The following ALG3 variants were observed in gnomAD, a reference collection of about 807,000 sequenced individuals.
ALG3 encodes the protein ALG3 alpha-1,3- mannosyltransferase.
ALG3 carries 39 observed loss-of-function variants against 50.5 expected under a neutral mutation model. The ratio of observed to expected loss-of-function variants is 0.77; its 90% confidence interval spans 0.60 to 1.01. The LOEUF is 1.01. Among genes scored for constraint, ALG3 ranks in the 50% least tolerant of loss-of-function variants. The probability of loss-of-function intolerance (pLI) is 0.00; values close to 1 mark genes in which losing one functional copy is unlikely to be tolerated. For missense variants in ALG3, 520 were observed against 554.8 expected, an observed-to-expected ratio of 0.94 and a Z score of 0.63; for synonymous variants, 252 against 237.2, an observed-to-expected ratio of 1.06 and a Z score of -0.58.
At chr3:184,248,138 G>C (rs1391302696) in intron 1 of ALG3, among the ~76,000 whole-genome samples, 1 of 151,984 alleles carries the variant, frequency 6.6e-6, no homozygotes, top group Non-Finnish European at 1.5e-5. Flanking sequence ...ACAGGCGTGA[G>C]CCACCGCGCC....
rs766613289 is a variant in ALG3 at position 184,245,558 on chromosome 3, G to A, written c.354C>T (p.Gly118=). The A allele has an allele frequency of 2.5e-6, 4 of 1,613,920 alleles. No homozygotes were observed. In the East Asian group the frequency reaches 6.7e-5, roughly 27 times the overall value. ...FMGLYYATSR[G]TDIRMAQNIF... ...TGTTCTGGGCCATGCGGATGTCAGT[G>A]CCTCGGCTGGTGGCATAGTACAACC... The change falls in exon 3 of 9, where the codon GGC becomes GGT. Residue 118 remains glycine, a synonymous_variant. Coordinates refer to ENST00000397676, the MANE Select transcript of ALG3 (RefSeq NM_005787.6).
At chr3:184,244,368 A>T in intron 5 of ALG3, 1 of 566,110 alleles carries the variant, frequency 1.8e-6, no homozygotes, top group South Asian at 2.6e-5. Context: ...ACCCAGCAAG[A>T]GCCCATCTCA....
intron 1 of ALG3, among the ~76,000 whole-genome samples, chr3:184,246,680 C>CT (rs34546476): frequency 0.018 from 2,350 of 131,266 alleles, 47 homozygotes; most frequent in African/African-American, 0.063. Context: ...AGGCTGTCTT[C>CT]TTTTTTTTTT....
In ALG3 at chr3:184,243,535, C is replaced by T. The variant is rs1348388953; in HGVS notation, c.1009+19G>A. 1.2e-6 allele frequency: 2 copies of T among 1,612,340 alleles called. No individual in the cohort carries two copies. The highest frequency in any genetic ancestry group is 2.2e-5 in the South Asian group (2 of 90,980). ...ACCTAGAGAGGGCAAGACTTACCTT[C>T]CCACAATTTAAAGGATATGGTTGGG... On this transcript the variant is annotated intron_variant, in intron 7 of 8. Coordinates refer to ENST00000397676, the MANE Select transcript of ALG3 (RefSeq NM_005787.6).
rs770148788 is a variant in ALG3 at position 184,242,450 on chromosome 3, G to A, written c.*64C>T. The A allele has an allele frequency of 2.6e-6, 4 of 1,561,918 alleles. No homozygotes were observed. The African/African-American group carries it at 4.0e-5, about 16-fold the overall frequency. ...GGACTTAGCAAGGTTTATTTGGAAG[G>A]GCAGAGTCCAACCAACCCCAGGTCC... On this transcript the variant is annotated 3_prime_UTR_variant, in exon 9 of 9. Coordinates refer to ENST00000397676, the MANE Select transcript of ALG3 (RefSeq NM_005787.6).
intron 5 of ALG3, chr3:184,244,319 G>A (rs1015420349): frequency 1.9e-6 from 1 of 534,486 alleles, no homozygotes; most frequent in African/African-American, 1.9e-5. Flanking sequence ...CAAGGCAGGA[G>A]GATTGCTTGA....
At position 184,243,552 on chromosome 3, in the gene ALG3, A is replaced by G. The variant is rs1292648143; in HGVS notation, c.1009+2T>C. ...CTTACCTTCCCACAATTTAAAGGAT[A>G]TGGTTGGGTGTAAGGGGCTGGGGTG... On this transcript the variant is annotated splice_donor_variant, in intron 7 of 8. Transcript: ENST00000397676. LOFTEE classifies it high-confidence loss of function. The G allele has an allele frequency of 6.2e-7, 1 of 1,613,638 alleles. No homozygotes were observed. Among genetic ancestry groups the G allele is most frequent in the South Asian group, 1.1e-5 (1 of 91,052 alleles).
At chr3:184,246,009 G>C (rs1359444382) in intron 1 of ALG3, among the ~76,000 whole-genome samples, 197 bp from the exon 2 acceptor site, 1 of 152,156 alleles carries the variant, frequency 6.6e-6, no homozygotes, top group Middle Eastern at 3.2e-3. Context: ...GTGAATTTGT[G>C]ATCTTTCTTC....
Position 184,243,584 on chromosome 3 carries a change from TC to T in ALG3, c.978del (p.Lys327ArgfsTer141). On this transcript the variant is annotated frameshift_variant, in exon 7 of 9. Transcript: ENST00000397676. LOFTEE classifies it high-confidence loss of function. ...GGTGTAAGGGGCTGGGGTGGAACCT[TC>T]CTTTTGGAGGGATCCCTCAGCAGCG... ...ILSLLRDPSK[R>X]KVPPQPLTPN... The T allele has an allele frequency of 6.2e-7, 1 of 1,613,860 alleles. No individual in the cohort carries two copies. Among genetic ancestry groups the T allele is most frequent in the Non-Finnish European group, 8.5e-7 (1 of 1,179,844 alleles).
At chr3:184,245,007 A>T in intron 4 of ALG3, 191 bp downstream of exon 4, 1 of 831,050 alleles carries the variant, frequency 1.2e-6, no homozygotes. Flanking sequence ...GGAAGACAGG[A>T]TGGAAAGAGG....
At chr3:184,247,423 G>T (rs559338184) in intron 1 of ALG3, among the ~76,000 whole-genome samples, 71 of 151,000 alleles carry the variant, frequency 4.7e-4, no homozygotes, top group African/African-American at 1.7e-3. Flanking sequence ...TCAACCTCCC[G>T]AGTAGCTGGG....
Position 184,242,936 on chromosome 3 carries a change from G to C in ALG3, c.1031C>G (p.Thr344Ser). ...TPNQIVSTLF[T>S]SNFIGICFSR... ...GAAGCAGATGCCAATGAAGTTGGAG[G>C]TGAAGAGGGTAGAAACGATCTGTAT... The change falls in exon 8 of 9, where the codon ACC becomes AGC. Residue 344 changes from threonine (T) to serine (S), a missense_variant. Physicochemically the swap from Thr to Ser is moderately conservative, Grantham distance 58. This residue lies in a region of ALG3 where 224 missense variants were observed against 272.8 expected (regional missense o/e 0.82). Coordinates refer to ENST00000397676, the MANE Select transcript of ALG3 (RefSeq NM_005787.6). The C allele has an allele frequency of 6.2e-7, 1 of 1,613,604 alleles. No homozygotes were observed. The highest frequency in any genetic ancestry group is 1.1e-5 in the South Asian group (1 of 91,058).
chr3:184,244,797 C>A (rs1011236119), intron 4 of ALG3, 76 bp from the exon 5 acceptor site: 16 of 1,530,110 alleles, frequency 1.0e-5, no homozygotes, highest in Middle Eastern at 4.2e-4. Context: ...ACATACCCCC[C>A]ACCATCACCA....
intron 1 of ALG3, among the ~76,000 whole-genome samples, chr3:184,246,708 A>C (rs1719169955): frequency 2.1e-5 from 3 of 144,206 alleles, no homozygotes; most frequent in African/African-American, 2.6e-5. Flanking sequence ...ACAGAGTCTC[A>C]CTCTGTCACC....
intron 7 of ALG3, 28 bp downstream of exon 7, chr3:184,243,526 A>G: frequency 6.2e-7 from 1 of 1,609,796 alleles, no homozygotes. Flanking sequence ...AGAGGGCAAG[A>G]CTTACCTTCC....
rs1482479616 is a variant in ALG3, at chr3:184,242,366, C to T, written c.*148G>A. 1.0e-6 allele frequency: 1 copy of T among 983,354 alleles called. No homozygotes were observed. The highest frequency in any genetic ancestry group is 1.4e-5 in the South Asian group (1 of 71,968). The allele number at this position is 983,354 out of a possible 1,614,324, so 60.9% of individuals were successfully genotyped here. A position where few individuals can be genotyped will look rare whatever the true frequency, so the allele number is the denominator to read the frequency against. On this transcript the variant is annotated 3_prime_UTR_variant, in exon 9 of 9. Transcript: ENST00000397676. ...AATTCTTTATCTGCTCCATACGTGTCCCTCACAGCCTGGACCAGGCATCGG... is the reference window on the plus strand; with the variant it reads ...AATTCTTTATCTGCTCCATACGTGTTCCTCACAGCCTGGACCAGGCATCGG...
chr3:184,245,409 A>G (rs1719079145), intron 3 of ALG3, 51 bp from the exon 4 acceptor site: 1 of 1,613,512 alleles, frequency 6.2e-7, no homozygotes, highest in South Asian at 1.1e-5. Flanking sequence ...AGCCTGAGCC[A>G]TCCCCACCAC....
At position 184,245,749 on chromosome 3, in the gene ALG3, T is replaced by A; in HGVS notation, c.260A>T (p.Asp87Val). 6.2e-7 allele frequency: 1 copy of A among 1,613,856 alleles called. No homozygotes were observed. The highest frequency in any genetic ancestry group is 8.5e-7 in the Non-Finnish European group (1 of 1,179,834). The change falls in exon 2 of 9, where the codon GAC (aspartate) becomes GTC (valine). Residue 87 changes from aspartate to valine, a missense_variant. Asp to Val is a radical substitution (Grantham distance 152). Around this residue, in one of 3 missense-constraint regions of ALG3, gnomAD observed 290 missense variants for 265.9 expected, o/e 1.09. Transcript: ENST00000397676. ...EVEGVINGTYDYTQLQGDTGP... is the reference protein window; with the variant it reads ...EVEGVINGTYVYTQLQGDTGP... The stretch of plus-strand genomic sequence containing the variant: ...GGTGTCACCCTGCAGTTGGGTATAG[T>A]CATAGGTACCATTGATGACGCCTTC...
In ALG3 at chr3:184,248,016, C is replaced by A. The variant is rs1181531452; in HGVS notation, c.196+729G>T. ...GCCCGCCACCATGCCCGGCTAAATT[C>A]TTTTTTTTTTTTTTTTTTCAGTAGA... On this transcript the variant is annotated intron_variant, in intron 1 of 8. Coordinates refer to ENST00000397676, the MANE Select transcript of ALG3 (RefSeq NM_005787.6). Among the ~76,000 whole-genome samples the A allele has an allele frequency of 2.4e-5, 3 of 125,380 alleles. No homozygotes were observed. In the East Asian group the frequency reaches 7.1e-4, roughly 29 times the overall value. 82.3% of individuals were successfully genotyped at this position (125,380 alleles called of 152,430 possible).
Sources: allele counts gnomAD v4.1 joint callset (sites outside exome capture counted in the v4.1 genomes callset), GRCh38; gene constraint gnomAD v4.1.1; regional missense constraint gnomAD v4.1.1; transcripts MANE v1.5; gene names NCBI Gene and HGNC (gene_info 2026-07-23, HGNC 2026-07-21).